Variants in E2F7 observed in about 807,000 individuals in gnomAD.
E2F7 encodes the protein E2F transcription factor 7, also known as transcription factor E2F7.
A neutral mutation model predicts 81.1 loss-of-function variants in E2F7; 35 were observed. The ratio of observed to expected loss-of-function variants is 0.43; its 90% CI spans 0.33 to 0.57. E2F7 has a LOEUF of 0.57. E2F7 is among the 20% of genes least tolerant of loss of function. E2F7 has a pLI of 0.04. For missense variants in E2F7, 961 were observed against 1,093.7 expected, an observed-to-expected ratio of 0.88 and a Z score of 1.71; for synonymous variants, 416 against 416.2, an observed-to-expected ratio of 1.00 and a Z score of 0.01.
At chr12:77,042,924 G>A (rs1347708937) in intron 7 of E2F7, 141 bp downstream of exon 7, 1 of 1,325,468 alleles carries the variant, frequency 7.5e-7, no homozygotes, top group African/African-American at 1.5e-5. Context: ...AATGTTAACT[G>A]TTCCAAGAGT....
rs1032175017 is a variant in E2F7 at position 77,024,171 on chromosome 12, C to T, written c.2580G>A (p.Val860=). The change falls in exon 13 of 13, where the codon GTG becomes GTA. Residue 860 remains valine (V), a synonymous_variant. Coordinates refer to ENST00000322886, the MANE Select transcript of E2F7 (RefSeq NM_203394.3). ...GTGTGCGTTGGATGCTCTTGGGGGT[C>T]ACTGGAACTGGTGACTGAAAAAAGA... The part of the protein sequence containing the change: ...VVKLHQSPVP[V]TPKSIQRTHR... 11 of 1,612,036 alleles carry T rather than the reference C, an allele frequency of 6.8e-6. No individual in the cohort carries two copies. The highest frequency in any genetic ancestry group is 9.3e-6 in the Non-Finnish European group (11 of 1,179,504).
At chr12:77,035,123 T>C (rs1303116836) in intron 7 of E2F7, among the ~76,000 whole-genome samples, 5 of 152,100 alleles carry the variant, frequency 3.3e-5, no homozygotes, top group South Asian at 2.1e-4. Context: ...TCTATAATGA[T>C]TTTTGCTTAC....
intron 3 of E2F7, among the ~76,000 whole-genome samples, chr12:77,051,310 G>C (rs1356120956): frequency 1.3e-5 from 2 of 152,106 alleles, no homozygotes; most frequent in African/African-American, 4.8e-5. Context: ...ACCCACATTT[G>C]AAAGGGGCTC....
intron 9 of E2F7, among the ~76,000 whole-genome samples, chr12:77,031,683 T>C (rs1388585037): frequency 6.6e-6 from 1 of 151,582 alleles, no homozygotes; most frequent in East Asian, 1.9e-4. Context: ...CAAAACAAAA[T>C]AAAAACACAC....
At chr12:77,044,471 G>A in intron 6 of E2F7, 166 bp downstream of exon 6, 1 of 776,060 alleles carries the variant, frequency 1.3e-6, no homozygotes, top group South Asian at 1.9e-5. Context: ...AATTCTAGTA[G>A]GTGACTAACT....
At position 77,023,008 on chromosome 12, in the gene E2F7, T is replaced by G. The variant is rs888902657; in HGVS notation, c.*1007A>C. On this transcript the variant is annotated 3_prime_UTR_variant, in exon 13 of 13. Coordinates refer to ENST00000322886, the MANE Select transcript of E2F7 (RefSeq NM_203394.3). ...ATCATCTCTTGCCCTGTATCAATTT[T>G]CACATCATTACTCTTCAGAATTCAA... 7.2e-5 allele frequency: 11 copies of G among 152,204 alleles called. No individual in the cohort carries two copies. Among genetic ancestry groups the G allele is most frequent in the African/African-American group, 2.7e-4 (11 of 41,452 alleles). 9.4% of individuals were successfully genotyped at this position (152,204 alleles called of 1,614,324 possible).
At chr12:77,026,618 T>G (rs1347262073) in intron 11 of E2F7, among the ~76,000 whole-genome samples, 1 of 152,132 alleles carries the variant, frequency 6.6e-6, no homozygotes, top group Non-Finnish European at 1.5e-5. Context: ...TCTTTATAAG[T>G]TCCTAACTGA....
chr12:77,056,158 G>T, intron 2 of E2F7, 28 bp from the exon 3 acceptor site: 2 of 1,559,890 alleles, frequency 1.3e-6, no homozygotes, highest in South Asian at 2.5e-5. Flanking sequence ...CTTTTAGCAA[G>T]AATGAGAAAG....
intron 12 of E2F7, 103 bp downstream of exon 12, chr12:77,025,455 G>C: frequency 1.5e-6 from 2 of 1,347,632 alleles, no homozygotes; most frequent in South Asian, 1.4e-5. Context: ...GGTGGAGCCT[G>C]ACCTAGTGCC....
chr12:77,024,847 C>G (rs1954745218), intron 12 of E2F7, among the ~76,000 whole-genome samples: 1 of 152,292 alleles, frequency 6.6e-6, no homozygotes, highest in East Asian at 1.9e-4. Flanking sequence ...AATAACTTGT[C>G]TAAAATATTT....
At chr12:77,047,554 A>T (rs186726223) in intron 4 of E2F7, among the ~76,000 whole-genome samples, 2 of 152,326 alleles carry the variant, frequency 1.3e-5, no homozygotes, top group East Asian at 3.9e-4. Flanking sequence ...GCTACAAAGA[A>T]GCCTTCTTTC....
intron 2 of E2F7, among the ~76,000 whole-genome samples, chr12:77,062,444 A>T (rs1344418173): frequency 6.6e-6 from 1 of 152,214 alleles, no homozygotes; most frequent in Admixed American, 6.5e-5. Flanking sequence ...TCATAGCAGC[A>T]TGAAAAAGAC....
At chr12:77,042,884 G>C (rs536801210) in intron 7 of E2F7, among the ~76,000 whole-genome samples, 181 bp downstream of exon 7, 1 of 152,262 alleles carries the variant, frequency 6.6e-6, no homozygotes, top group South Asian at 2.1e-4. Context: ...TACCATGTGT[G>C]GGCAAACCAG....
At chr12:77,043,983 C>T (rs1232175847) in intron 6 of E2F7, among the ~76,000 whole-genome samples, 2 of 152,202 alleles carry the variant, frequency 1.3e-5, no homozygotes, top group African/African-American at 4.8e-5. Flanking sequence ...AGCATTCACC[C>T]TGGATGCAGC....
intron 4 of E2F7, among the ~76,000 whole-genome samples, chr12:77,047,794 T>G (rs949871779): frequency 1.3e-5 from 2 of 152,228 alleles, no homozygotes; most frequent in African/African-American, 4.8e-5. Flanking sequence ...GCCAGATGCC[T>G]GCCGGAAGGT....
chr12:77,061,549 T>G (rs570429995), intron 2 of E2F7, among the ~76,000 whole-genome samples: 2 of 152,182 alleles, frequency 1.3e-5, no homozygotes. Flanking sequence ...TTGTGTCAAG[T>G]GCATTGTAAA....
intron 2 of E2F7, among the ~76,000 whole-genome samples, chr12:77,061,699 A>G (rs922210511): frequency 1.3e-5 from 2 of 152,250 alleles, no homozygotes; most frequent in South Asian, 2.1e-4. Flanking sequence ...AATGGCCAAG[A>G]AAGAAATCCT....
At chr12:77,027,181 T>C (rs1954766801) in intron 11 of E2F7, among the ~76,000 whole-genome samples, 1 of 152,212 alleles carries the variant, frequency 6.6e-6, no homozygotes, top group Non-Finnish European at 1.5e-5. Flanking sequence ...CAACAAGGAA[T>C]TGAGGAAAAT....
chr12:77,034,329 G>A (rs900023572), intron 7 of E2F7, among the ~76,000 whole-genome samples: 10 of 152,036 alleles, frequency 6.6e-5, no homozygotes, highest in African/African-American at 2.2e-4. Flanking sequence ...TCTTCAACCC[G>A]AATTAGAATG....
Sources: allele counts gnomAD v4.1 joint callset (sites outside exome capture counted in the v4.1 genomes callset), GRCh38; gene constraint gnomAD v4.1.1; transcripts MANE v1.5; gene names NCBI Gene and HGNC (gene_info 2026-07-23, HGNC 2026-07-21).